The following SHROOM3 variants were observed in gnomAD, a reference collection of about 807,000 sequenced individuals.
SHROOM3 encodes the protein protein Shroom3.
A neutral mutation model predicts 138.6 loss-of-function variants in SHROOM3; 47 were observed. The observed-to-expected ratio is 0.34, with a 90% confidence interval of 0.27 to 0.43. SHROOM3 has a LOEUF of 0.43. SHROOM3 is among the 20% of genes least tolerant of loss of function. The pLI is 1.00. For missense variants in SHROOM3, 2,491 were observed against 2,596.5 expected (o/e 0.96, Z 0.88); for synonymous variants, 1,062 against 1,063.3 (o/e 1.00, Z 0.02).
chr4:76,470,292 G>A (rs551453100), intron 1 of SHROOM3, among the ~76,000 whole-genome samples: 1 of 152,282 alleles, frequency 6.6e-6, no homozygotes, highest in South Asian at 2.1e-4. Flanking sequence ...AAACCACAAA[G>A]CATTTGATAC....
intron 2 of SHROOM3, among the ~76,000 whole-genome samples, chr4:76,606,419 G>A (rs1734622084): frequency 1.3e-5 from 2 of 151,260 alleles, no homozygotes; most frequent in African/African-American, 4.8e-5. Flanking sequence ...TCTGTAAAAT[G>A]ATAGTAAAGG....
intron 1 of SHROOM3, among the ~76,000 whole-genome samples, chr4:76,552,783 A>G (rs898770768): frequency 1.3e-5 from 2 of 151,988 alleles, no homozygotes; most frequent in Non-Finnish European, 2.9e-5. Context: ...GCAATTCTGG[A>G]GAGTAATTAC....
chr4:76,650,593 G>A (rs1735934629), intron 2 of SHROOM3, among the ~76,000 whole-genome samples: 1 of 151,708 alleles, frequency 6.6e-6, no homozygotes, highest in African/African-American at 2.4e-5. Flanking sequence ...CACCCAGGCT[G>A]GAGTGCAGCG....
intron 1 of SHROOM3, among the ~76,000 whole-genome samples, chr4:76,552,499 T>C (rs1396710365): frequency 6.6e-6 from 1 of 150,790 alleles, no homozygotes; most frequent in East Asian, 1.9e-4. Context: ...AGAGCAAGAG[T>C]CTGTCTCCCA....
intron 2 of SHROOM3, among the ~76,000 whole-genome samples, chr4:76,636,574 G>GA (rs1040463609): frequency 6.6e-6 from 1 of 152,030 alleles, no homozygotes; most frequent in African/African-American, 2.4e-5. Context: ...AATTGATGAG[G>GA]AAAAAAAATT....
rs573729727 is a variant in SHROOM3 at position 76,584,784 on chromosome 4, G to A, written c.323+29021G>A. 1.4e-4 allele frequency among the ~76,000 whole-genome samples: 22 copies of A among 152,272 alleles called. 2 individuals carry two copies. The South Asian group carries it at 4.4e-3, about 30-fold the overall frequency. On this transcript the variant is annotated intron_variant, in intron 2 of 10. Coordinates refer to ENST00000296043, the MANE Select transcript of SHROOM3 (RefSeq NM_020859.4). ...GAAGGAAATTCCACTCTGTGGTGGTGTTTTGGGGAGGTTGCATGGTGGGGA... is the reference window on the plus strand; with the variant it reads ...GAAGGAAATTCCACTCTGTGGTGGTATTTTGGGGAGGTTGCATGGTGGGGA...
intron 2 of SHROOM3, among the ~76,000 whole-genome samples, chr4:76,687,289 T>G (rs1023105402): frequency 6.6e-6 from 1 of 152,234 alleles, no homozygotes; most frequent in Non-Finnish European, 1.5e-5. Flanking sequence ...AAGCTTTATT[T>G]CTTCATTAAT....
intron 2 of SHROOM3, among the ~76,000 whole-genome samples, chr4:76,685,540 AAG>A (rs1445481733): frequency 6.6e-6 from 1 of 152,238 alleles, no homozygotes; most frequent in African/African-American, 2.4e-5. Flanking sequence ...TGTGACAAGA[AAG>A]AGTTAATAAT....
intron 7 of SHROOM3, among the ~76,000 whole-genome samples, chr4:76,755,873 C>A (rs1420994058): frequency 3.3e-5 from 5 of 152,178 alleles, no homozygotes; most frequent in Non-Finnish European, 7.4e-5. Context: ...AACACATAGT[C>A]CCTAGAACAA....
At chr4:76,586,575 G>A in intron 2 of SHROOM3, 1 of 711,982 alleles carries the variant, frequency 1.4e-6, no homozygotes, top group Non-Finnish European at 1.7e-6. Context: ...TAGGGAAGTT[G>A]TTCAAGTTAG....
At chr4:76,759,991 C>T (rs1721941725) in intron 9 of SHROOM3, among the ~76,000 whole-genome samples, 1 of 152,202 alleles carries the variant, frequency 6.6e-6, no homozygotes, top group Admixed American at 6.5e-5. Flanking sequence ...GAACCCAAGT[C>T]CCTAGCCTCC....
chr4:76,733,115 T>C (rs1210403386), intron 4 of SHROOM3, among the ~76,000 whole-genome samples: 3 of 152,030 alleles, frequency 2.0e-5, no homozygotes, highest in African/African-American at 7.2e-5. Context: ...AAGCCCTAAA[T>C]CCAAAGCCAC....
chr4:76,681,625 G>GTGTGTGTGTGTAGGTA (rs150048957), intron 2 of SHROOM3, among the ~76,000 whole-genome samples: 1 of 117,886 alleles, frequency 8.5e-6, no homozygotes, highest in East Asian at 3.0e-4. Context: ...GTGTGTGTGT[G>GTGTGTGTGTGTAGGTA]TGTGTGTGTA....
chr4:76,580,606 A>T (rs1734031334), intron 2 of SHROOM3, among the ~76,000 whole-genome samples: 1 of 152,070 alleles, frequency 6.6e-6, no homozygotes, highest in Non-Finnish European at 1.5e-5. Context: ...TTGTATTTTT[A>T]GTAGAGACGG....
intron 2 of SHROOM3, among the ~76,000 whole-genome samples, chr4:76,585,668 T>G (rs1300273435): frequency 6.6e-6 from 1 of 152,152 alleles, no homozygotes; most frequent in African/African-American, 2.4e-5. Flanking sequence ...TGTGGTGTTG[T>G]TGTTTTGTCT....
chr4:76,520,659 A>G (rs1054686688), intron 1 of SHROOM3, among the ~76,000 whole-genome samples: 2 of 152,196 alleles, frequency 1.3e-5, no homozygotes, highest in Non-Finnish European at 2.9e-5. Flanking sequence ...AGTGTGATCC[A>G]GGTTGTCCCC....
chr4:76,590,542 C>A, intron 2 of SHROOM3, among the ~76,000 whole-genome samples: 1 of 148,560 alleles, frequency 6.7e-6, no homozygotes. Flanking sequence ...AATTAACTCA[C>A]ACAAAACCAA....
Position 76,436,109 on chromosome 4 carries a change from G to A in SHROOM3, c.57G>A (p.Thr19=), listed in dbSNP as rs369511861. The change falls in exon 1 of 11, where the codon ACG becomes ACA. Residue 19 remains threonine (T), a synonymous_variant. Coordinates refer to ENST00000296043, the MANE Select transcript of SHROOM3 (RefSeq NM_020859.4). ...CTAGTGCCACATTAAACTCTAACACGGCCACCAAGGGAAGGTACATTTATC... is the reference window on the plus strand; with the variant it reads ...CTAGTGCCACATTAAACTCTAACACAGCCACCAAGGGAAGGTACATTTATC... The part of the protein sequence containing the change: ...HKPSATLNSN[T]ATKGRYIYLE... 130 of 1,613,834 alleles carry A rather than the reference G, an allele frequency of 8.1e-5. No homozygotes were observed. Among genetic ancestry groups the A allele is most frequent in the Middle Eastern group, 1.6e-4 (1 of 6,084 alleles).
intron 2 of SHROOM3, among the ~76,000 whole-genome samples, chr4:76,574,486 C>T (rs1265826838): frequency 2.6e-5 from 4 of 152,138 alleles, no homozygotes; most frequent in Non-Finnish European, 5.9e-5. Context: ...AATATTTCAG[C>T]AAATTCTCTC....
Sources: gnomAD v4.1 joint callset for allele counts (sites outside exome capture counted in the v4.1 genomes callset) on GRCh38, gnomAD v4.1.1 for gene constraint, MANE v1.5 for transcripts, NCBI Gene and HGNC (gene_info 2026-07-23, HGNC 2026-07-21) for gene names.